The following EPHB1 variants were observed in gnomAD, a reference collection of about 807,000 sequenced individuals.
EPHB1 encodes EPH receptor B1, also known as ephrin type-B receptor 1.
A neutral mutation model predicts 94.4 loss-of-function variants in EPHB1; 30 were observed. That is an observed-to-expected ratio of 0.32 (90% CI 0.24 to 0.43). The LOEUF (loss-of-function observed/expected upper bound fraction) is 0.43, where lower values mean the gene tolerates loss of function less well. Ranked by LOEUF, EPHB1 falls within the 20% of genes least tolerant of loss-of-function variation. The pLI is 1.00. For synonymous variants in EPHB1, 522 were observed against 489.1 expected (o/e 1.07, Z -0.89); for missense variants, 1,055 against 1,308.3 (o/e 0.81, Z 2.99).
At position 135,249,355 on chromosome 3, in the gene EPHB1, G is replaced by T. The variant is rs780597750; in HGVS notation, c.2710G>T (p.Asp904Tyr). Residue 904 changes from aspartate (D) to tyrosine (Y), a missense_variant, in exon 15 of 16, where the codon GAC (aspartate) becomes TAC (tyrosine). Transcript: ENST00000398015. ...CACCAGGCCTTCCCAGCCCCTGCTC[G>T]ACCGCTCCATCCCAGACTTCACGGC... ...ITAVPSQPLLDRSIPDFTAFT... is the reference protein window; with the variant it reads ...ITAVPSQPLLYRSIPDFTAFT... 1.9e-6 allele frequency: 3 copies of T among 1,613,110 alleles called. No homozygotes were observed. In the South Asian group the frequency reaches 3.3e-5, roughly 18 times the overall value.
intron 3 of EPHB1, among the ~76,000 whole-genome samples, chr3:134,984,818 G>C (rs1482169978): frequency 6.6e-6 from 1 of 152,166 alleles, no homozygotes; most frequent in Non-Finnish European, 1.5e-5. Context: ...GAGGCCTAGC[G>C]AACTGAGTGC....
At position 135,165,993 on chromosome 3, in the gene EPHB1, G is replaced by C. The variant is rs745311505; in HGVS notation, c.1611G>C (p.Glu537Asp). The change falls in exon 8 of 16, where the codon GAG (glutamate) becomes GAC (aspartate). Residue 537 changes from glutamate to aspartate, a missense_variant. Coordinates refer to ENST00000398015, the MANE Select transcript of EPHB1 (RefSeq NM_004441.5). ...TDDDYKSELR[E>D]QLPLIAGSAA... The stretch of plus-strand genomic sequence containing the variant: ...ATGATTACAAGTCAGAGCTGAGGGA[G>C]CAGCTGCCCCTGATTGCTGGCTCGG... 1.2e-6 allele frequency: 2 copies of C among 1,614,002 alleles called. No homozygotes were observed. The highest frequency in any genetic ancestry group is 2.2e-5 in the South Asian group (2 of 91,086).
intron 1 of EPHB1, among the ~76,000 whole-genome samples, chr3:134,802,530 T>C (rs2035955138): frequency 1.3e-5 from 2 of 152,038 alleles, no homozygotes; most frequent in Non-Finnish European, 2.9e-5. Context: ...GCTTAGCCAA[T>C]ATCAAGAAGG....
intron 3 of EPHB1, among the ~76,000 whole-genome samples, chr3:135,078,700 T>C (rs1024913778): frequency 1.3e-5 from 2 of 152,192 alleles, no homozygotes; most frequent in East Asian, 1.9e-4. Flanking sequence ...AACCTAGTCA[T>C]GCATCTTTCT....
At chr3:135,101,257 G>T (rs377700528) in intron 3 of EPHB1, among the ~76,000 whole-genome samples, 1 of 152,154 alleles carries the variant, frequency 6.6e-6, no homozygotes, top group Admixed American at 6.5e-5. Context: ...CCTAATTTCC[G>T]TTCCTACTTC....
At chr3:135,255,109 T>C (rs1211969144) in intron 15 of EPHB1, among the ~76,000 whole-genome samples, 1 of 152,000 alleles carries the variant, frequency 6.6e-6, no homozygotes, top group East Asian at 1.9e-4. Flanking sequence ...CTCTCTCTTT[T>C]TTTATTAGTC....
intron 5 of EPHB1, among the ~76,000 whole-genome samples, chr3:135,141,274 A>G (rs1320326104): frequency 6.6e-6 from 1 of 151,134 alleles, no homozygotes; most frequent in Non-Finnish European, 1.5e-5. Flanking sequence ...ACGGTGACGT[A>G]TGTTGCCCTT....
At position 134,951,515 on chromosome 3, in the gene EPHB1, C is replaced by G. The variant is rs369940994; in HGVS notation, c.268C>G (p.Arg90Gly). The G allele has an allele frequency of 6.2e-7, 1 of 1,613,750 alleles. No individual in the cohort carries two copies. Among genetic ancestry groups the G allele is most frequent in the Non-Finnish European group, 8.5e-7 (1 of 1,179,794 alleles). The change falls in exon 3 of 16, where the codon CGC becomes GGC. Residue 90 changes from arginine to glycine, a missense_variant. By Grantham distance (125) the Arg-to-Gly change is moderately radical. Transcript: ENST00000398015. The surrounding 1 kb of genome is among the most constrained non-coding windows in gnomAD (Gnocchi z 4.5). ...GGCCCATCGCATCTACACAGAGATG[C>G]GCTTCACTGTGAGAGACTGCAGCAG... ...RGAHRIYTEMRFTVRDCSSLP... is the reference protein window; with the variant it reads ...RGAHRIYTEMGFTVRDCSSLP...
intron 2 of EPHB1, among the ~76,000 whole-genome samples, chr3:134,930,737 G>C (rs1229335715): frequency 1.3e-5 from 2 of 152,264 alleles, no homozygotes; most frequent in African/African-American, 4.8e-5. Context: ...CCTTCTTCCC[G>C]ACACTCTGTC....
At chr3:135,194,203 A>G (rs927388897) in intron 11 of EPHB1, among the ~76,000 whole-genome samples, 4 of 152,190 alleles carry the variant, frequency 2.6e-5, no homozygotes, top group Non-Finnish European at 4.4e-5. Context: ...CATCAACTCA[A>G]TGTCTTCTTA....
At chr3:135,250,274 G>A (rs968925649) in intron 15 of EPHB1, among the ~76,000 whole-genome samples, 2 of 152,090 alleles carry the variant, frequency 1.3e-5, no homozygotes, top group African/African-American at 4.8e-5. Flanking sequence ...ATTTTTGAGG[G>A]GCAGGGTTTT....
At chr3:134,904,214 A>G (rs1302336465) in intron 1 of EPHB1, among the ~76,000 whole-genome samples, 3 of 152,144 alleles carry the variant, frequency 2.0e-5, no homozygotes, top group African/African-American at 7.2e-5. Context: ...TTTCTTTCTG[A>G]GGCTGGATTC....
At chr3:135,038,847 C>G (rs1305111022) in intron 3 of EPHB1, among the ~76,000 whole-genome samples, 3 of 149,690 alleles carry the variant, frequency 2.0e-5, no homozygotes, top group East Asian at 1.9e-4. Context: ...AAGGGGACCC[C>G]AGCGGGTTGC....
chr3:135,046,869 C>T lies in EPHB1; in HGVS notation c.806-59579C>T, dbSNP rs540935452. ...TGCTTAGTGACAATGCCTGAACACTCGATAAGCAGTACCTATTCTTATTGT... is the reference window on the plus strand; with the variant it reads ...TGCTTAGTGACAATGCCTGAACACTTGATAAGCAGTACCTATTCTTATTGT... On this transcript the variant is annotated intron_variant, in intron 3 of 15. Transcript: ENST00000398015. Among the ~76,000 whole-genome samples, 250 of 152,304 alleles carry T rather than the reference C, an allele frequency of 1.6e-3. 1 individual carries two copies. Among genetic ancestry groups the T allele is most frequent in the African/African-American group, 5.9e-3 (245 of 41,568 alleles).
chr3:135,108,882 G>T (rs1559833702), intron 4 of EPHB1, among the ~76,000 whole-genome samples: 1 of 152,142 alleles, frequency 6.6e-6, no homozygotes, highest in Admixed American at 6.5e-5. Context: ...ACCACTCCCT[G>T]CTCACGAAAC....
At chr3:134,949,882 G>A (rs893565317) in intron 2 of EPHB1, among the ~76,000 whole-genome samples, 23 of 152,164 alleles carry the variant, frequency 1.5e-4, no homozygotes, top group African/African-American at 5.1e-4. Context: ...GAATGACCCA[G>A]CAACTCTTCT....
intron 2 of EPHB1, among the ~76,000 whole-genome samples, chr3:134,938,678 G>T (rs1037038046): frequency 1.5e-4 from 23 of 152,230 alleles, no homozygotes; most frequent in Non-Finnish European, 7.3e-5. Context: ...GAGAGGCTAA[G>T]TGTGTGTCCC....
At chr3:135,188,663 GA>G (rs2107708398) in intron 10 of EPHB1, among the ~76,000 whole-genome samples, 1 of 152,314 alleles carries the variant, frequency 6.6e-6, no homozygotes, top group Admixed American at 6.5e-5. Context: ...CTGGAGAAAT[GA>G]AGGGCCCGCC....
chr3:134,859,255 T>C (rs1224751821), intron 1 of EPHB1, among the ~76,000 whole-genome samples: 1 of 152,174 alleles, frequency 6.6e-6, no homozygotes, highest in African/African-American at 2.4e-5. Context: ...TCGATCTCAT[T>C]GTTTGATGGT....
Sources: allele counts gnomAD v4.1 joint callset (sites outside exome capture counted in the v4.1 genomes callset), GRCh38; gene constraint gnomAD v4.1.1; non-coding constraint Gnocchi (gnomAD v3.1); transcripts MANE v1.5; gene names NCBI Gene and HGNC (gene_info 2026-07-23, HGNC 2026-07-21).